The following ADTRP variants were observed in gnomAD, a reference collection of about 807,000 sequenced individuals.
ADTRP encodes the protein androgen dependent TFPI regulating protein, also known as androgen-dependent TFPI-regulating protein.
In ADTRP, 20 loss-of-function variants were observed where a neutral mutation model predicts 27.0. That is an observed-to-expected ratio of 0.74 (90% CI 0.52 to 1.08). The LOEUF is 1.08. ADTRP is among the 50% of genes least tolerant of loss of function. The pLI is 0.00. For missense variants in ADTRP, 251 were observed against 275.0 expected, an observed-to-expected ratio of 0.91 and a Z score of 0.62; for synonymous variants, 101 against 105.2, an observed-to-expected ratio of 0.96 and a Z score of 0.25.
chr6:11,733,039 T>C (rs1762436366), intron 4 of ADTRP, among the ~76,000 whole-genome samples: 1 of 152,222 alleles, frequency 6.6e-6, no homozygotes, highest in Non-Finnish European at 1.5e-5. Flanking sequence ...ACCTCTGCCA[T>C]ATGACCATGG....
intron 3 of ADTRP, chr6:11,755,174 C>T: frequency 1.7e-6 from 1 of 592,232 alleles, no homozygotes; most frequent in Non-Finnish European, 2.1e-6. Flanking sequence ...ATTTTAATTA[C>T]TAAAATTCCT....
chr6:11,737,662 C>T (rs912518147), intron 3 of ADTRP, among the ~76,000 whole-genome samples: 2 of 152,186 alleles, frequency 1.3e-5, no homozygotes, highest in Non-Finnish European at 2.9e-5. Context: ...TGAAGAGGAC[C>T]TCTCAGGGTG....
At position 11,734,928 on chromosome 6, in the gene ADTRP, T is replaced by C. The variant is rs150858562; in HGVS notation, c.506+640A>G. On this transcript the variant is annotated intron_variant, in intron 4 of 5. Transcript: ENST00000414691. ...AGCATGGTGCTAGATGAGAAGGTTA[T>C]AGAATGGAAGAAAAGTTTCCCACTC... Among the ~76,000 whole-genome samples, 545 of 149,796 alleles carry C rather than the reference T, an allele frequency of 3.6e-3. 3 individuals carry two copies. Among genetic ancestry groups the C allele is most frequent in the African/African-American group, 0.012 (504 of 40,650 alleles).
intron 4 of ADTRP, among the ~76,000 whole-genome samples, chr6:11,729,631 C>T (rs1762321738): frequency 6.6e-6 from 1 of 152,186 alleles, no homozygotes; most frequent in African/African-American, 2.4e-5. Flanking sequence ...TTTCTTGAGA[C>T]TGCAGGGTCT....
At chr6:11,745,924 G>A in intron 3 of ADTRP, among the ~76,000 whole-genome samples, 1 of 152,074 alleles carries the variant, frequency 6.6e-6, no homozygotes, top group East Asian at 1.9e-4. Flanking sequence ...CCAAGTAGCT[G>A]GGATTACAGG....
intron 3 of ADTRP, among the ~76,000 whole-genome samples, chr6:11,741,713 ATTTTTT>A (rs71312624): frequency 7.7e-6 from 1 of 129,134 alleles, no homozygotes; most frequent in African/African-American, 3.1e-5. Flanking sequence ...TAAGGATAAG[ATTTTTT>A]TTAAAAAAAA....
intron 3 of ADTRP, among the ~76,000 whole-genome samples, chr6:11,758,631 A>C (rs1459442998): frequency 6.8e-6 from 1 of 147,642 alleles, no homozygotes; most frequent in Non-Finnish European, 1.5e-5. Flanking sequence ...TGACGAGTTA[A>C]TGGGTGCAGC....
At chr6:11,724,062 A>AAAACAAAC (rs34211710) in intron 4 of ADTRP, among the ~76,000 whole-genome samples, 12,923 of 149,836 alleles carry the variant, frequency 0.086, 645 homozygotes, top group African/African-American at 0.11. Context: ...CTTTGTCTCA[A>AAAACAAAC]AAACAAACAA....
chr6:11,735,531 G>C (rs1021080878), intron 4 of ADTRP, 37 bp downstream of exon 4: 2 of 1,520,490 alleles, frequency 1.3e-6, no homozygotes, highest in Middle Eastern at 1.7e-4. Context: ...GGTCTTGAAC[G>C]ACAAGCCTAA....
chr6:11,763,236 C>T (rs1287989038), intron 3 of ADTRP, among the ~76,000 whole-genome samples: 1 of 152,198 alleles, frequency 6.6e-6, no homozygotes, highest in African/African-American at 2.4e-5. Flanking sequence ...AAGGGTTGAG[C>T]TGGGAGCAGT....
intron 3 of ADTRP, among the ~76,000 whole-genome samples, chr6:11,764,297 A>C (rs1451271064): frequency 1.3e-5 from 2 of 152,228 alleles, no homozygotes; most frequent in Non-Finnish European, 1.5e-5. Context: ...CATCATCATA[A>C]CTATTTGAAA....
At chr6:11,724,008 C>G (rs997858715) in intron 4 of ADTRP, among the ~76,000 whole-genome samples, 1 of 152,082 alleles carries the variant, frequency 6.6e-6, no homozygotes, top group Non-Finnish European at 1.5e-5. Flanking sequence ...TGCAGTGATC[C>G]AAGATCACGC....
intron 3 of ADTRP, among the ~76,000 whole-genome samples, chr6:11,742,358 A>C (rs914841886): frequency 6.6e-6 from 1 of 152,094 alleles, no homozygotes; most frequent in Non-Finnish European, 1.5e-5. Flanking sequence ...TTAGCCCCAT[A>C]CATCTTTGAG....
intron 3 of ADTRP, among the ~76,000 whole-genome samples, chr6:11,757,423 C>T (rs1487117071): frequency 1.3e-5 from 2 of 152,200 alleles, no homozygotes; most frequent in East Asian, 1.9e-4. Flanking sequence ...TCTGACCCCA[C>T]GTCTGTTTCT....
intron 4 of ADTRP, among the ~76,000 whole-genome samples, chr6:11,735,137 T>C (rs1299086279): frequency 6.6e-6 from 1 of 152,224 alleles, no homozygotes; most frequent in Non-Finnish European, 1.5e-5. Context: ...AAGCCCATAA[T>C]GAAACAGGCA....
At chr6:11,746,957 C>T (rs1326109528) in intron 3 of ADTRP, among the ~76,000 whole-genome samples, 1 of 152,200 alleles carries the variant, frequency 6.6e-6, no homozygotes. Context: ...CCCCAGAGGC[C>T]ACTGCCGTCA....
intron 5 of ADTRP, among the ~76,000 whole-genome samples, chr6:11,721,026 G>A (rs1368581597): frequency 1.3e-5 from 2 of 152,116 alleles, no homozygotes; most frequent in East Asian, 1.9e-4. Flanking sequence ...TAAGACACCC[G>A]AGGTCTAGTG....
At chr6:11,730,794 G>A (rs779945569) in intron 4 of ADTRP, among the ~76,000 whole-genome samples, 9 of 152,160 alleles carry the variant, frequency 5.9e-5, no homozygotes, top group Admixed American at 2.0e-4. Context: ...GTGTTTGTAC[G>A]GGGCATGCAA....
chr6:11,766,329 A>G lies in ADTRP; in HGVS notation c.335T>C (p.Leu112Pro). The change falls in exon 3 of 6, where the codon CTC becomes CCC. Residue 112 changes from leucine (L) to proline (P), a missense_variant. By Grantham distance (98) the Leu-to-Pro change is moderately conservative (BLOSUM62 -3). Coordinates refer to ENST00000414691, the MANE Select transcript of ADTRP (RefSeq NM_032744.4). ...AGTATCTAGGACCTTGGGGTAAATG[A>G]GATCTCGATTGTAGAGAAAGAGGAT... ...FWILFLYNRD[L>P]IYPKVLDTVI... 4 of 1,613,062 alleles carry G rather than the reference A, an allele frequency of 2.5e-6. No homozygotes were observed. Among genetic ancestry groups the G allele is most frequent in the Non-Finnish European group, 3.4e-6 (4 of 1,179,446 alleles).
Sources: gnomAD v4.1 joint callset for allele counts (sites outside exome capture counted in the v4.1 genomes callset) on GRCh38, gnomAD v4.1.1 for gene constraint, MANE v1.5 for transcripts, NCBI Gene and HGNC (gene_info 2026-07-23, HGNC 2026-07-21) for gene names.